AGPS: variants seen among roughly 807,000 people sequenced by gnomAD.
AGPS encodes the protein alkyldihydroxyacetonephosphate synthase, peroxisomal.
A neutral mutation model predicts 90.7 loss-of-function variants in AGPS; 26 were observed. The ratio of observed to expected loss-of-function variants is 0.29; its 90% CI spans 0.21 to 0.40. The LOEUF is 0.40. AGPS is among the 10% of genes least tolerant of loss of function. The pLI is 1.00. For synonymous variants in AGPS, 294 were observed against 285.3 expected (o/e 1.03, Z -0.31); for missense variants, 540 against 816.1 (o/e 0.66, Z 4.12).
At chr2:177,435,869 G>T (rs997237466) in intron 3 of AGPS, among the ~76,000 whole-genome samples, 1 of 152,094 alleles carries the variant, frequency 6.6e-6, no homozygotes, top group African/African-American at 2.4e-5. Context: ...CATTTAACCT[G>T]CCTTCCTTAT....
At chr2:177,419,452 A>G (rs938260060) in intron 1 of AGPS, among the ~76,000 whole-genome samples, 2 of 151,864 alleles carry the variant, frequency 1.3e-5, no homozygotes, top group Non-Finnish European at 3.0e-5. Flanking sequence ...ATGCCAAAAC[A>G]TGTAATAAAA....
At position 177,392,960 on chromosome 2, in the gene AGPS, G is replaced by A. The variant is rs1264921410; in HGVS notation, c.171G>A (p.Glu57=). ...CCCGGGAGGCTCTGAGTACCAATGA[G>A]TGCAAAGCGCGGAGAGCCGCGTCGG... ...GRPREALSTN[E]CKARRAASAA... is the part of the protein sequence containing the mutation. Residue 57 remains glutamate, a synonymous_variant, in exon 1 of 20, where the codon GAG becomes GAA. Coordinates refer to ENST00000264167, the MANE Select transcript of AGPS (RefSeq NM_003659.4). 3 of 1,550,086 alleles carry A rather than the reference G, an allele frequency of 1.9e-6. No individual in the cohort carries two copies. The South Asian group carries it at 3.6e-5, about 18-fold the overall frequency.
intron 19 of AGPS, among the ~76,000 whole-genome samples, chr2:177,529,463 T>G (rs1004687295): frequency 4.6e-5 from 7 of 152,072 alleles, no homozygotes; most frequent in African/African-American, 1.4e-4. Context: ...GAGAGTAAGA[T>G]CCTGTCTCTT....
chr2:177,485,192 A>T (rs1345738087), intron 11 of AGPS, among the ~76,000 whole-genome samples: 1 of 152,206 alleles, frequency 6.6e-6, no homozygotes, highest in African/African-American at 2.4e-5. Flanking sequence ...CCCTTCAATA[A>T]TATCTCCCCT....
chr2:177,508,823 A>C (rs1688783642), intron 16 of AGPS, among the ~76,000 whole-genome samples: 1 of 152,184 alleles, frequency 6.6e-6, no homozygotes, highest in South Asian at 2.1e-4. Context: ...CCAGTTGAGC[A>C]TCCCAAATCT....
chr2:177,523,192 ACT>A (rs1343505405), intron 18 of AGPS, among the ~76,000 whole-genome samples: 1 of 152,132 alleles, frequency 6.6e-6, no homozygotes, highest in Non-Finnish European at 1.5e-5. Context: ...TTTAATAAAG[ACT>A]CTAATAGCTT....
intron 11 of AGPS, among the ~76,000 whole-genome samples, chr2:177,486,354 T>G (rs1041247250): frequency 1.3e-5 from 2 of 152,206 alleles, no homozygotes; most frequent in African/African-American, 4.8e-5. Context: ...TATATTAGTT[T>G]GTAGAACATA....
chr2:177,434,304 T>C, intron 2 of AGPS, 23 bp from the exon 3 acceptor site: 1 of 1,549,972 alleles, frequency 6.5e-7, no homozygotes, highest in South Asian at 1.1e-5. Context: ...TGCTCTAATA[T>C]TTTTACTTTC....
intron 1 of AGPS, among the ~76,000 whole-genome samples, chr2:177,414,116 T>A (rs975858433): frequency 1.3e-5 from 2 of 152,168 alleles, no homozygotes; most frequent in Admixed American, 6.5e-5. Context: ...GTATATTACT[T>A]TTTCTTTCAC....
chr2:177,502,656 C>G (rs184928463), intron 14 of AGPS, among the ~76,000 whole-genome samples: 3 of 152,166 alleles, frequency 2.0e-5, no homozygotes, highest in African/African-American at 7.2e-5. Flanking sequence ...GTCTCAGACT[C>G]CTGGTCTCAA....
intron 10 of AGPS, among the ~76,000 whole-genome samples, chr2:177,480,582 G>A (rs185029414): frequency 1.3e-5 from 2 of 152,012 alleles, no homozygotes; most frequent in South Asian, 2.1e-4. Context: ...CTGTTGTGGC[G>A]GGGGGAAGTG....
intron 1 of AGPS, among the ~76,000 whole-genome samples, chr2:177,394,801 G>C (rs886435797): frequency 1.3e-5 from 2 of 152,186 alleles, no homozygotes; most frequent in Non-Finnish European, 2.9e-5. Context: ...AGAGTTAAAT[G>C]ATCAAGTGTT....
Position 177,499,721 on chromosome 2 carries a change from C to T in AGPS, c.1466C>T (p.Ala489Val). 2 of 1,608,938 alleles carry T rather than the reference C, an allele frequency of 1.2e-6. No homozygotes were observed. Among genetic ancestry groups the T allele is most frequent in the Non-Finnish European group, 8.5e-7 (1 of 1,176,112 alleles). The change falls in exon 14 of 20, where the codon GCA becomes GTA. Residue 489 changes from alanine (A) to valine (V), a missense_variant. This residue lies in a region of AGPS where 405 missense variants were observed against 692.1 expected (regional missense o/e 0.59). Transcript: ENST00000264167. ...QHEKQVYDIA[A>V]KFGGLAAGED... is the part of the protein sequence containing the mutation. ...GAAAAACAAGTGTATGATATTGCTG[C>T]AAAATTTGGGTATGGCTTCAAGTTC...
chr2:177,394,707 C>T (rs1383630030), intron 1 of AGPS, among the ~76,000 whole-genome samples: 2 of 152,174 alleles, frequency 1.3e-5, no homozygotes, highest in Non-Finnish European at 2.9e-5. Context: ...ATCACTTAAC[C>T]TCTGAGAGTT....
intron 12 of AGPS, among the ~76,000 whole-genome samples, chr2:177,495,684 G>T (rs1409090128): frequency 6.6e-6 from 1 of 151,474 alleles, no homozygotes; most frequent in Non-Finnish European, 1.5e-5. Flanking sequence ...AAGGCAGGCG[G>T]ATCACCTGAA....
intron 14 of AGPS, 35 bp downstream of exon 14, chr2:177,499,765 G>A (rs747663943): frequency 2.6e-5 from 36 of 1,368,236 alleles, no homozygotes; most frequent in Admixed American, 2.4e-4. Flanking sequence ...AAGAGAAAGA[G>A]TTAAAAGCTA....
chr2:177,527,678 G>A (rs888951574), intron 19 of AGPS, among the ~76,000 whole-genome samples: 2 of 152,118 alleles, frequency 1.3e-5, no homozygotes, highest in Non-Finnish European at 2.9e-5. Context: ...TTAAAGCTAT[G>A]TGTATAAGTT....
chr2:177,394,732 T>C (rs1284589477), intron 1 of AGPS, among the ~76,000 whole-genome samples: 1 of 152,210 alleles, frequency 6.6e-6, no homozygotes, highest in Non-Finnish European at 1.5e-5. Flanking sequence ...TCACCGTCAT[T>C]TGTAAAAACG....
chr2:177,505,034 T>C (rs1408705400), intron 14 of AGPS, among the ~76,000 whole-genome samples: 1 of 152,060 alleles, frequency 6.6e-6, no homozygotes, highest in East Asian at 1.9e-4. Flanking sequence ...ATAAAATATT[T>C]CTATGTAAGT....
Sources: gnomAD v4.1 joint callset for allele counts (sites outside exome capture counted in the v4.1 genomes callset) on GRCh38, gnomAD v4.1.1 for gene constraint, gnomAD v4.1.1 regional missense constraint, MANE v1.5 for transcripts, NCBI Gene and HGNC (gene_info 2026-07-23, HGNC 2026-07-21) for gene names.